The following PIGL variants were observed in gnomAD, a reference collection of about 807,000 sequenced individuals.
The protein encoded by PIGL is N-acetylglucosaminyl-phosphatidylinositol de-N-acetylase.
Under a neutral mutation model 31.1 loss-of-function variants are expected in PIGL, and 22 were observed. The ratio of observed to expected loss-of-function variants is 0.71; its 90% CI spans 0.51 to 1.01. The LOEUF is 1.01. PIGL is among the 50% of genes least tolerant of loss of function. The pLI is 0.00. For missense variants in PIGL, 302 were observed against 315.9 expected, an observed-to-expected ratio of 0.96 and a Z score of 0.33; for synonymous variants, 131 against 117.4, an observed-to-expected ratio of 1.12 and a Z score of -0.75.
chr17:16,258,184 C>CTT (rs1267389616), intron 2 of PIGL, among the ~76,000 whole-genome samples: 1 of 104,362 alleles, frequency 9.6e-6, no homozygotes, highest in Admixed American at 9.8e-5. Flanking sequence ...CTTTTTTTTT[C>CTT]TTTTTTTTTT....
chr17:16,244,272 C>T lies in PIGL; in HGVS notation c.335+10202C>T, dbSNP rs1350730044. ...GTCTGCTTTGGGAAAGGGCTGTTAC[C>T]GTCTTTGTTTAAACTATGATCTATA... On this transcript the variant is annotated intron_variant, in intron 2 of 6. Coordinates refer to ENST00000225609, the MANE Select transcript of PIGL (RefSeq NM_004278.4). Among the ~76,000 whole-genome samples, 9 of 152,290 alleles carry T rather than the reference C, an allele frequency of 5.9e-5. No homozygotes were observed. The South Asian group carries it at 8.3e-4, about 14-fold the overall frequency.
chr17:16,263,380 A>G lies in PIGL; in HGVS notation c.335+29310A>G, dbSNP rs574591775. ...TTTTTAGTAGATATGAGGTCTCACT[A>G]TGTTGTCCAGTCTGGTCTCAAACTC... On this transcript the variant is annotated intron_variant, in intron 2 of 6. Transcript: ENST00000225609. 3.9e-5 allele frequency among the ~76,000 whole-genome samples: 6 copies of G among 152,046 alleles called. No homozygotes were observed. In the South Asian group the frequency reaches 6.2e-4, roughly 16 times the overall value.
At chr17:16,231,722 T>C (rs145080188) in intron 1 of PIGL, among the ~76,000 whole-genome samples, 2,468 of 152,266 alleles carry the variant, frequency 0.016, 61 homozygotes, top group African/African-American at 0.056. Context: ...AAGTATGTTA[T>C]GGGAAGACTA....
rs772667855 is a variant in PIGL at position 16,321,237 on chromosome 17, C to CTT, written c.660+3349_660+3350dup. The stretch of plus-strand genomic sequence containing the variant: ...ACAGGCATGAACCACTGCGCCGGGC[C>CTT]TTTTTTTTTTTTTTTTTTTTTAGAT... On this transcript the variant is annotated intron_variant, in intron 6 of 6. Coordinates refer to ENST00000225609, the MANE Select transcript of PIGL (RefSeq NM_004278.4). Among the ~76,000 whole-genome samples, 273 of 119,810 alleles carry CTT rather than the reference C, an allele frequency of 2.3e-3. 1 individual carries two copies. Among genetic ancestry groups the CTT allele is most frequent in the African/African-American group, 8.6e-3 (239 of 27,910 alleles). 78.6% of individuals were successfully genotyped at this position (119,810 alleles called of 152,430 possible). A position where few individuals can be genotyped will look rare whatever the true frequency, so the allele number is the denominator to read the frequency against.
At chr17:16,301,837 G>C (rs2093006147) in intron 3 of PIGL, among the ~76,000 whole-genome samples, 1 of 151,928 alleles carries the variant, frequency 6.6e-6, no homozygotes, top group Non-Finnish European at 1.5e-5. Flanking sequence ...CCAAAGTGCT[G>C]GGATTACAGG....
At chr17:16,296,804 C>A (rs537662686) in intron 2 of PIGL, among the ~76,000 whole-genome samples, 108 of 151,722 alleles carry the variant, frequency 7.1e-4, no homozygotes, top group Admixed American at 1.3e-3. Flanking sequence ...GCAAGCTCCA[C>A]CTCCCAGGTT....
At chr17:16,265,728 G>A (rs1029371931) in intron 2 of PIGL, among the ~76,000 whole-genome samples, 3 of 150,850 alleles carry the variant, frequency 2.0e-5, no homozygotes, top group African/African-American at 4.9e-5. Context: ...GCAACAGAGC[G>A]AGACTCCGTA....
intron 2 of PIGL, among the ~76,000 whole-genome samples, chr17:16,272,554 T>C (rs896497303): frequency 2.0e-5 from 3 of 152,254 alleles, no homozygotes; most frequent in Admixed American, 6.5e-5. Flanking sequence ...CTACATGCAT[T>C]GTCTTCACAT....
intron 2 of PIGL, among the ~76,000 whole-genome samples, chr17:16,289,938 G>A (rs572789819): frequency 6.6e-4 from 101 of 152,020 alleles, no homozygotes; most frequent in Non-Finnish European, 1.3e-3. Context: ...CACTAAGCCC[G>A]GCTAATTTTG....
chr17:16,306,089 C>T lies in PIGL; in HGVS notation c.426+6111C>T, dbSNP rs1402545181. On this transcript the variant is annotated intron_variant, in intron 3 of 6. Coordinates refer to ENST00000225609, the MANE Select transcript of PIGL (RefSeq NM_004278.4). ...TCAGCCTCCCGAGTAGCTGGGACTA[C>T]AGGCACGCGCCACCATGCCCAGCTA... Among the ~76,000 whole-genome samples, 11 of 152,148 alleles carry T rather than the reference C, an allele frequency of 7.2e-5. 1 individual carries two copies. The highest frequency in any genetic ancestry group is 2.7e-4 in the African/African-American group (11 of 41,424).
chr17:16,312,124 G>A lies in PIGL; in HGVS notation c.427-1423G>A, dbSNP rs550018732. The stretch of plus-strand genomic sequence containing the variant: ...TCCCTCCCGGAGGGGGCGGCTGGCC[G>A]GGCGGGGGCTGCCCGCAGCCCCCCA... On this transcript the variant is annotated intron_variant, in intron 3 of 6. Coordinates refer to ENST00000225609, the MANE Select transcript of PIGL (RefSeq NM_004278.4). Among the ~76,000 whole-genome samples, 6 of 146,588 alleles carry A rather than the reference G, an allele frequency of 4.1e-5. No individual in the cohort carries two copies. In the South Asian group the frequency reaches 6.3e-4, roughly 15 times the overall value.
intron 6 of PIGL, among the ~76,000 whole-genome samples, chr17:16,318,490 C>T (rs972401985): frequency 1.3e-5 from 2 of 151,516 alleles, no homozygotes; most frequent in South Asian, 2.1e-4. Context: ...AGGCTTGTCT[C>T]GACCTCCTGA....
At chr17:16,265,804 A>T (rs1167829515) in intron 2 of PIGL, among the ~76,000 whole-genome samples, 3 of 151,980 alleles carry the variant, frequency 2.0e-5, no homozygotes, top group Admixed American at 2.0e-4. Context: ...TCAACAAGTT[A>T]AGGAGAGTTT....
At chr17:16,245,301 A>AT (rs1454752992) in intron 2 of PIGL, among the ~76,000 whole-genome samples, 1 of 151,200 alleles carries the variant, frequency 6.6e-6, no homozygotes, top group African/African-American at 2.4e-5. Context: ...AAATTTTTGT[A>AT]TTTTTAGTAG....
intron 4 of PIGL, among the ~76,000 whole-genome samples, chr17:16,314,939 C>A (rs1190885782): frequency 6.6e-6 from 1 of 152,114 alleles, no homozygotes; most frequent in Non-Finnish European, 1.5e-5. Context: ...GCACACTGAG[C>A]CTGGTGATTT....
chr17:16,281,884 A>G, intron 2 of PIGL: 1 of 313,368 alleles, frequency 3.2e-6, no homozygotes, highest in South Asian at 2.5e-5. Flanking sequence ...TACAGCTCCC[A>G]TCTGACATGA....
intron 3 of PIGL, among the ~76,000 whole-genome samples, chr17:16,306,702 T>C (rs192952153): frequency 4.6e-5 from 7 of 152,170 alleles, no homozygotes; most frequent in Admixed American, 3.9e-4. Flanking sequence ...GCTAATTTTG[T>C]ATTTTTAGTA....
At chr17:16,251,311 T>A (rs1308435382) in intron 2 of PIGL, among the ~76,000 whole-genome samples, 1 of 151,396 alleles carries the variant, frequency 6.6e-6, no homozygotes, top group Admixed American at 6.6e-5. Flanking sequence ...TGGTCCCAGC[T>A]CCTTGGGAGG....
rs779219354 is a variant in PIGL at position 16,316,783 on chromosome 17, G to A, written c.526+71G>A. 3.1e-6 allele frequency: 5 copies of A among 1,596,610 alleles called. No homozygotes were observed. In the African/African-American group the frequency reaches 4.0e-5, roughly 13 times the overall value. ...TGAGAAACTTATGAGGGGGAAATTT[G>A]CAAATCCACAGAGAGCTGCCCTCAG... is the stretch of plus-strand genomic sequence containing the variant. On this transcript the variant is annotated intron_variant, in intron 5 of 6. Coordinates refer to ENST00000225609, the MANE Select transcript of PIGL (RefSeq NM_004278.4).
Sources: allele counts gnomAD v4.1 joint callset (sites outside exome capture counted in the v4.1 genomes callset), GRCh38; gene constraint gnomAD v4.1.1; transcripts MANE v1.5; gene names NCBI Gene and HGNC (gene_info 2026-07-23, HGNC 2026-07-21).